SGCZ: variants seen among roughly 807,000 people sequenced by gnomAD.
SGCZ encodes sarcoglycan zeta.
A neutral mutation model predicts 41.3 loss-of-function variants in SGCZ; 40 were observed. That is an observed-to-expected ratio of 0.97 (90% CI 0.75 to 1.26). SGCZ has a LOEUF of 1.26. Among genes scored for constraint, SGCZ ranks in the 50% most tolerant of loss-of-function variants. The pLI, the probability that SGCZ is intolerant of heterozygous loss-of-function variation, is 0.00. For missense variants in SGCZ, 552 were observed against 369.8 expected (o/e 1.49, Z -4.04); for synonymous variants, 206 against 137.5 (o/e 1.50, Z -3.49).
chr8:14,857,437 A>G (rs1803581038), intron 1 of SGCZ, among the ~76,000 whole-genome samples: 1 of 152,216 alleles, frequency 6.6e-6, no homozygotes, highest in African/African-American at 2.4e-5. Context: ...ATACTCTATA[A>G]TGAGCTTACA....
intron 1 of SGCZ, among the ~76,000 whole-genome samples, chr8:14,833,240 G>C (rs1203878174): frequency 6.6e-6 from 1 of 152,114 alleles, no homozygotes; most frequent in Admixed American, 6.6e-5. Flanking sequence ...AAATGACACA[G>C]AGTAGGTTTA....
chr8:14,843,768 T>C (rs1405222179), intron 1 of SGCZ, among the ~76,000 whole-genome samples: 1 of 152,064 alleles, frequency 6.6e-6, no homozygotes, highest in Non-Finnish European at 1.5e-5. Flanking sequence ...TAAATATTTA[T>C]AGATAGCACT....
chr8:15,040,923 T>C (rs1165031453), intron 1 of SGCZ, among the ~76,000 whole-genome samples: 2 of 152,120 alleles, frequency 1.3e-5, no homozygotes, highest in African/African-American at 4.8e-5. Flanking sequence ...TTAAAGTATA[T>C]TATTAGATAA....
At chr8:14,910,764 G>T (rs1799259684) in intron 1 of SGCZ, among the ~76,000 whole-genome samples, 1 of 151,852 alleles carries the variant, frequency 6.6e-6, no homozygotes, top group Non-Finnish European at 1.5e-5. Flanking sequence ...GGAAGACAAT[G>T]ATGTCATTTT....
At chr8:15,232,556 C>A (rs921870421) in intron 1 of SGCZ, among the ~76,000 whole-genome samples, 5 of 151,184 alleles carry the variant, frequency 3.3e-5, no homozygotes, top group African/African-American at 9.7e-5. Context: ...GTGATGTTTC[C>A]CTACTGTAAC....
chr8:14,198,428 A>T (rs758260681), intron 4 of SGCZ, among the ~76,000 whole-genome samples: 10 of 152,180 alleles, frequency 6.6e-5, no homozygotes, highest in Non-Finnish European at 1.2e-4. Context: ...AACAATGGAC[A>T]TTAGGGAATA....
At chr8:14,943,146 C>T (rs1048091457) in intron 1 of SGCZ, among the ~76,000 whole-genome samples, 1 of 151,548 alleles carries the variant, frequency 6.6e-6, no homozygotes, top group Non-Finnish European at 1.5e-5. Flanking sequence ...TTGCCCTGTT[C>T]CCTTGACTCA....
At chr8:15,100,100 T>C (rs1409052885) in intron 1 of SGCZ, among the ~76,000 whole-genome samples, 1 of 152,102 alleles carries the variant, frequency 6.6e-6, no homozygotes, top group Non-Finnish European at 1.5e-5. Context: ...AAGTCATAGC[T>C]AATCCAACAA....
At chr8:14,554,379 T>G (rs1803965622) in intron 2 of SGCZ, among the ~76,000 whole-genome samples, 3 of 152,050 alleles carry the variant, frequency 2.0e-5, no homozygotes, top group African/African-American at 7.2e-5. Flanking sequence ...ATATTAATTT[T>G]AATGTGAAGT....
intron 1 of SGCZ, among the ~76,000 whole-genome samples, chr8:14,644,994 A>G (rs939111786): frequency 6.6e-6 from 1 of 151,118 alleles, no homozygotes; most frequent in South Asian, 2.1e-4. Flanking sequence ...ACTGTGGCCT[A>G]CAGTCTATCT....
At chr8:14,445,669 A>T (rs1455594702) in intron 2 of SGCZ, among the ~76,000 whole-genome samples, 1 of 152,160 alleles carries the variant, frequency 6.6e-6, no homozygotes, top group Non-Finnish European at 1.5e-5. Context: ...AGCTCAGGAC[A>T]CATTGACTGT....
intron 1 of SGCZ, among the ~76,000 whole-genome samples, chr8:14,783,296 T>C (rs1005044179): frequency 1.3e-5 from 2 of 152,140 alleles, no homozygotes; most frequent in African/African-American, 4.8e-5. Context: ...TAACTGGGCA[T>C]GGTGCTGAGT....
chr8:14,202,358 C>A (rs75566310), intron 4 of SGCZ, among the ~76,000 whole-genome samples: 6,274 of 152,126 alleles, frequency 0.041, 146 homozygotes, highest in Middle Eastern at 0.075. Context: ...CCCAGTGAGA[C>A]CCATTTAGAT....
chr8:15,216,428 G>A (rs779383597), intron 1 of SGCZ, among the ~76,000 whole-genome samples: 10 of 151,812 alleles, frequency 6.6e-5, no homozygotes, highest in African/African-American at 1.2e-4. Context: ...CACCGTGTTC[G>A]CCAGGATGGT....
intron 3 of SGCZ, among the ~76,000 whole-genome samples, chr8:14,242,412 A>T (rs1042050959): frequency 4.6e-5 from 7 of 152,220 alleles, no homozygotes; most frequent in African/African-American, 1.7e-4. Context: ...ATTGTAAGAC[A>T]GACAGGGGAC....
chr8:14,203,050 T>C (rs916742491), intron 4 of SGCZ, among the ~76,000 whole-genome samples: 7 of 152,150 alleles, frequency 4.6e-5, no homozygotes, highest in African/African-American at 1.7e-4. Flanking sequence ...GCTGCTGCCA[T>C]CCATGTAAGA....
At chr8:14,481,257 C>T (rs958992847) in intron 2 of SGCZ, among the ~76,000 whole-genome samples, 2 of 152,126 alleles carry the variant, frequency 1.3e-5, no homozygotes, top group Admixed American at 6.5e-5. Context: ...ACATTTTACA[C>T]TAGCCAGTGT....
chr8:14,094,968 C>A (rs1343549519), intron 7 of SGCZ, among the ~76,000 whole-genome samples: 1 of 88,734 alleles, frequency 1.1e-5, no homozygotes, highest in African/African-American at 4.1e-5. Flanking sequence ...CCTTTGCCCA[C>A]TTTTTGATGG....
At chr8:14,167,648 T>G (rs1047505719) in intron 4 of SGCZ, among the ~76,000 whole-genome samples, 4 of 152,166 alleles carry the variant, frequency 2.6e-5, no homozygotes, top group African/African-American at 9.7e-5. Context: ...GACTGGAGTA[T>G]TAGATATATG....
Sources: gnomAD v4.1 joint callset for allele counts (sites outside exome capture counted in the v4.1 genomes callset) on GRCh38, gnomAD v4.1.1 for gene constraint, MANE v1.5 for transcripts, NCBI Gene and HGNC (gene_info 2026-07-23, HGNC 2026-07-21) for gene names.